The following CD58 variants were observed in gnomAD, a reference collection of about 807,000 sequenced individuals.
CD58 encodes the protein lymphocyte function-associated antigen 3.
A neutral mutation model predicts 27.6 loss-of-function variants in CD58; 14 were observed. The observed-to-expected ratio is 0.51, with a 90% confidence interval of 0.34 to 0.79. The LOEUF is 0.79. Among genes scored for constraint, CD58 ranks in the 30% least tolerant of loss-of-function variants. The pLI is 0.02. For synonymous variants in CD58, 117 were observed against 103.8 expected, an observed-to-expected ratio of 1.13 and a Z score of -0.77; for missense variants, 268 against 301.7, an observed-to-expected ratio of 0.89 and a Z score of 0.83.
At position 116,521,643 on chromosome 1, in the gene CD58, A is replaced by AAGG; in HGVS notation, c.706+260_706+262dup. 3.2e-6 allele frequency: 1 copy of AAGG among 313,632 alleles called. No individual in the cohort carries two copies. The allele number at this position is 313,632 out of a possible 1,614,324, so 19.4% of individuals were successfully genotyped here. ...ATATTTTGAAGCAGATCACAGGTAA[A>AAGG]AGGAGGCTATGCAACAGGTCCAGGC... is the stretch of plus-strand genomic sequence containing the variant. On this transcript the variant is annotated intron_variant, in intron 4 of 5. Coordinates refer to ENST00000369489, the MANE Select transcript of CD58 (RefSeq NM_001779.3). This position sits in a 1 kb window ranked among gnomAD's most constrained non-coding sequence, Gnocchi z 5.6.
chr1:116,571,002 C>A lies in CD58; in HGVS notation c.-30G>T. ...CGTCGGGCCGGCCTCTGCGCGAGTGCCCAGCCACAAGCAGCCCTAAGTTCA... is the reference window on the plus strand; with the variant it reads ...CGTCGGGCCGGCCTCTGCGCGAGTGACCAGCCACAAGCAGCCCTAAGTTCA... On this transcript the variant is annotated 5_prime_UTR_variant, in exon 1 of 6. Transcript: ENST00000369489. 6.6e-7 allele frequency: 1 copy of A among 1,526,628 alleles called. No individual in the cohort carries two copies. Among genetic ancestry groups the A allele is most frequent in the Non-Finnish European group, 8.8e-7 (1 of 1,140,966 alleles). The allele number at this position is 1,526,628 out of a possible 1,614,324, so 94.6% of individuals were successfully genotyped here.
chr1:116,569,598 C>CTTTTTT, intron 1 of CD58, among the ~76,000 whole-genome samples: 1 of 110,952 alleles, frequency 9.0e-6, no homozygotes, highest in Non-Finnish European at 1.8e-5. Context: ...CACAGCTCAC[C>CTTTTTT]TTTTTTTTTT....
In CD58 at chr1:116,528,388, G is replaced by T. The variant is rs770595459; in HGVS notation, c.629-6405C>A. 6.6e-6 allele frequency among the ~76,000 whole-genome samples: 1 copy of T among 151,804 alleles called. No homozygotes were observed. Among genetic ancestry groups the T allele is most frequent in the Non-Finnish European group, 1.5e-5 (1 of 67,980 alleles). On this transcript the variant is annotated intron_variant, in intron 3 of 5. Transcript: ENST00000369489. This position sits in a 1 kb window ranked among gnomAD's most constrained non-coding sequence, Gnocchi z 4.4. ...TAAGATCAAAGGGTGTTTTTTTGAG[G>T]CTCTACCTTCAGTGACTTACTCCCT...
rs1443948715 is a variant in CD58 at position 116,532,859 on chromosome 1, A to C, written c.628+3106T>G. 9.4e-6 allele frequency: 6 copies of C among 638,924 alleles called. No individual in the cohort carries two copies. In the East Asian group the frequency reaches 1.8e-4, roughly 20 times the overall value. 39.6% of individuals were successfully genotyped at this position (638,924 alleles called of 1,614,324 possible). On this transcript the variant is annotated intron_variant, in intron 3 of 5. Coordinates refer to ENST00000369489, the MANE Select transcript of CD58 (RefSeq NM_001779.3). This position sits in a 1 kb window ranked among gnomAD's most constrained non-coding sequence, Gnocchi z 5.1. ...AGCGCTGTCGACGGGATTGTGCCGCATGCGGCAAAGACTGAGGCCTCCCGC... is the reference window on the plus strand; with the variant it reads ...AGCGCTGTCGACGGGATTGTGCCGCCTGCGGCAAAGACTGAGGCCTCCCGC...
chr1:116,559,605 C>T lies in CD58; in HGVS notation c.70+11298G>A, dbSNP rs927449441. ...TTTCCCTGCCCTCATCTACTTCATACTGAAACTGCAGCCACCTGTCTCCCA... is the reference window on the plus strand; with the variant it reads ...TTTCCCTGCCCTCATCTACTTCATATTGAAACTGCAGCCACCTGTCTCCCA... On this transcript the variant is annotated intron_variant, in intron 1 of 5. Coordinates refer to ENST00000369489, the MANE Select transcript of CD58 (RefSeq NM_001779.3). This position sits in a 1 kb window ranked among gnomAD's most constrained non-coding sequence, Gnocchi z 4.4. Among the ~76,000 whole-genome samples, 12 of 152,178 alleles carry T rather than the reference C, an allele frequency of 7.9e-5. No homozygotes were observed. The highest frequency in any genetic ancestry group is 1.8e-4 in the Non-Finnish European group (12 of 68,036).
intron 3 of CD58, among the ~76,000 whole-genome samples, chr1:116,525,521 T>G (rs1657400440): frequency 6.6e-6 from 1 of 152,222 alleles, no homozygotes; most frequent in Admixed American, 6.5e-5. Context: ...TATGTCAACA[T>G]AAGTTTTTAA....
chr1:116,566,275 A>AT (rs1280554145), intron 1 of CD58, among the ~76,000 whole-genome samples: 2 of 152,240 alleles, frequency 1.3e-5, no homozygotes, highest in African/African-American at 4.8e-5. Flanking sequence ...TTAGGAAAAT[A>AT]TACTGATGCT....
rs184423498 is a variant in CD58, at chr1:116,554,883, A to G, written c.71-10279T>C. On this transcript the variant is annotated intron_variant, in intron 1 of 5. Coordinates refer to ENST00000369489, the MANE Select transcript of CD58 (RefSeq NM_001779.3). ...CTACTTTGTGTGCATGGGTATATCT[A>G]TTATTTCCTTCCTACAGTAAAGTCT... Among the ~76,000 whole-genome samples, 275 of 152,302 alleles carry G rather than the reference A, an allele frequency of 1.8e-3. 1 individual carries two copies. Among genetic ancestry groups the G allele is most frequent in the African/African-American group, 6.4e-3 (268 of 41,564 alleles).
rs1317510916 is a variant in CD58 at position 116,563,022 on chromosome 1, G to A, written c.70+7881C>T. Reference sequence around the variant, plus strand: ...TAAGGCAAGTACCTTCCACCTATGAGCCTGTAAAATCAAAGGCAAGTTAGT... The same window carrying A: ...TAAGGCAAGTACCTTCCACCTATGAACCTGTAAAATCAAAGGCAAGTTAGT... On this transcript the variant is annotated intron_variant, in intron 1 of 5. Transcript: ENST00000369489. This position sits in a 1 kb window ranked among gnomAD's most constrained non-coding sequence, Gnocchi z 4.1. Among the ~76,000 whole-genome samples the A allele has an allele frequency of 1.3e-5, 2 of 152,162 alleles. No individual in the cohort carries two copies. The highest frequency in any genetic ancestry group is 3.8e-4 in the East Asian group (2 of 5,196).
chr1:116,544,347 T>C lies in CD58; in HGVS notation c.328A>G (p.Ile110Val), dbSNP rs376614019. 6 of 1,610,436 alleles carry C rather than the reference T, an allele frequency of 3.7e-6. No homozygotes were observed. The highest frequency in any genetic ancestry group is 5.1e-6 in the Non-Finnish European group (6 of 1,178,820). ...EDEYEMESPNITDTMKFFLYV... is the reference protein window; with the variant it reads ...EDEYEMESPNVTDTMKFFLYV... Reference sequence around the variant, plus strand: ...AGAAAGAACTTCATGGTATCAGTAATATTTGGCGATTCCATTTCATACTCA... The same window carrying C: ...AGAAAGAACTTCATGGTATCAGTAACATTTGGCGATTCCATTTCATACTCA... Residue 110 changes from isoleucine (I) to valine (V), a missense_variant, in exon 2 of 6, where the codon ATT (isoleucine) becomes GTT (valine). Ile to Val is a conservative substitution (Grantham distance 29). Coordinates refer to ENST00000369489, the MANE Select transcript of CD58 (RefSeq NM_001779.3).
In CD58 at chr1:116,550,589, A is replaced by G. The variant is rs1281020889; in HGVS notation, c.71-5985T>C. Among the ~76,000 whole-genome samples, 4 of 152,196 alleles carry G rather than the reference A, an allele frequency of 2.6e-5. No individual in the cohort carries two copies. In the East Asian group the frequency reaches 7.7e-4, roughly 29 times the overall value. On this transcript the variant is annotated intron_variant, in intron 1 of 5. Coordinates refer to ENST00000369489, the MANE Select transcript of CD58 (RefSeq NM_001779.3). The surrounding 1 kb of genome is among the most constrained non-coding windows in gnomAD (Gnocchi z 4.2). ...AATCAAATTCTTCCAAACTCCTGTT[A>G]ATATTGATATTTTGACCTGACGATT...
intron 2 of CD58, among the ~76,000 whole-genome samples, chr1:116,537,126 C>T (rs1277854069): frequency 1.3e-5 from 2 of 152,158 alleles, no homozygotes; most frequent in African/African-American, 4.8e-5. Context: ...CATGATGGCT[C>T]CTGCCTGTAG....
At chr1:116,551,818 C>A (rs548982164) in intron 1 of CD58, among the ~76,000 whole-genome samples, 2 of 150,458 alleles carry the variant, frequency 1.3e-5, no homozygotes, top group Non-Finnish European at 2.9e-5. Flanking sequence ...TGGCTCACTG[C>A]AACATCTGCC....
intron 1 of CD58, among the ~76,000 whole-genome samples, chr1:116,553,765 G>T (rs1388263231): frequency 6.6e-6 from 1 of 152,210 alleles, no homozygotes; most frequent in Non-Finnish European, 1.5e-5. Context: ...TGGCTCCAAT[G>T]GAGGCCATTA....
rs115179471 is a variant in CD58 at position 116,545,355 on chromosome 1, G to A, written c.71-751C>T. On this transcript the variant is annotated intron_variant, in intron 1 of 5. Transcript: ENST00000369489. ...GCTGACTGTCTTTAGAGTAGAGAGC[G>A]GCTGACAGGGGCCAGCACAGAGGCA... Among the ~76,000 whole-genome samples, 473 of 152,272 alleles carry A rather than the reference G, an allele frequency of 3.1e-3. 1 individual carries two copies. The highest frequency in any genetic ancestry group is 8.5e-3 in the African/African-American group (354 of 41,550).
In CD58 at chr1:116,534,021, C is replaced by T. The variant is rs878957436; in HGVS notation, c.628+1944G>A. On this transcript the variant is annotated intron_variant, in intron 3 of 5. Transcript: ENST00000369489. This position sits in a 1 kb window ranked among gnomAD's most constrained non-coding sequence, Gnocchi z 5.3. ...GCATCACCTGATCCGTGAGCTTTTCCGTCTTACTTGCATTTTTAGCAGCTT... is the reference window on the plus strand; with the variant it reads ...GCATCACCTGATCCGTGAGCTTTTCTGTCTTACTTGCATTTTTAGCAGCTT... 1.3e-5 allele frequency: 16 copies of T among 1,271,740 alleles called. No individual in the cohort carries two copies. The South Asian group carries it at 1.4e-4, about 11-fold the overall frequency. The allele number at this position is 1,271,740 out of a possible 1,614,324, so 78.8% of individuals were successfully genotyped here. A position where few individuals can be genotyped will look rare whatever the true frequency, so the allele number is the denominator to read the frequency against.
rs1303591591 is a variant in CD58 at position 116,546,731 on chromosome 1, A to G, written c.71-2127T>C. On this transcript the variant is annotated intron_variant, in intron 1 of 5. Coordinates refer to ENST00000369489, the MANE Select transcript of CD58 (RefSeq NM_001779.3). The surrounding 1 kb of genome is among the most constrained non-coding windows in gnomAD (Gnocchi z 4.1). ...GAAGAAAGTAGTCAGGAATGGAGCT[A>G]GTGGTGGAGGGAAGTGAGGGTAGAG... Among the ~76,000 whole-genome samples, 5 of 152,108 alleles carry G rather than the reference A, an allele frequency of 3.3e-5. No homozygotes were observed. The highest frequency in any genetic ancestry group is 1.2e-4 in the African/African-American group (5 of 41,442).
In CD58 at chr1:116,516,185, T is replaced by C. The variant is rs893136280; in HGVS notation, c.744-1363A>G. On this transcript the variant is annotated intron_variant, in intron 5 of 5. Coordinates refer to ENST00000369489, the MANE Select transcript of CD58 (RefSeq NM_001779.3). The surrounding 1 kb of genome is among the most constrained non-coding windows in gnomAD (Gnocchi z 6.1). The stretch of plus-strand genomic sequence containing the variant: ...CTGAGACTACAGGTGTGTGCTACCA[T>C]ACCCAGCTTCATAACCCTTTAGTAA... Among the ~76,000 whole-genome samples the C allele has an allele frequency of 1.3e-5, 2 of 152,134 alleles. No homozygotes were observed. Among genetic ancestry groups the C allele is most frequent in the Non-Finnish European group, 1.5e-5 (1 of 68,008 alleles).
rs1184674167 is a variant in CD58, at chr1:116,550,990, T to A, written c.71-6386A>T. 6.6e-6 allele frequency among the ~76,000 whole-genome samples: 1 copy of A among 152,194 alleles called. No homozygotes were observed. Among genetic ancestry groups the A allele is most frequent in the Non-Finnish European group, 1.5e-5 (1 of 68,032 alleles). ...TTTTCTAAGCAGTAAGTATTAACAG[T>A]GGGCTTACAATATTCAGTAAACCAT... On this transcript the variant is annotated intron_variant, in intron 1 of 5. Coordinates refer to ENST00000369489, the MANE Select transcript of CD58 (RefSeq NM_001779.3). This position sits in a 1 kb window ranked among gnomAD's most constrained non-coding sequence, Gnocchi z 4.2.
Sources: gnomAD v4.1 joint callset for allele counts (sites outside exome capture counted in the v4.1 genomes callset) on GRCh38, gnomAD v4.1.1 for gene constraint, Gnocchi (gnomAD v3.1) non-coding constraint, MANE v1.5 for transcripts, NCBI Gene and HGNC (gene_info 2026-07-23, HGNC 2026-07-21) for gene names.